The following RNF217 variants were observed in gnomAD, a reference collection of about 807,000 sequenced individuals.
The protein encoded by RNF217 is E3 ubiquitin-protein ligase RNF217.
In RNF217, 31 loss-of-function variants were observed where a neutral mutation model predicts 57.8. The observed-to-expected ratio is 0.54, with a 90% CI of 0.40 to 0.72. RNF217 has a LOEUF of 0.72. Ranked by LOEUF, RNF217 falls within the 30% of genes least tolerant of loss-of-function variation. The pLI, the probability that RNF217 is intolerant of heterozygous loss-of-function variation, is 0.00. For missense variants in RNF217, 696 were observed against 708.3 expected (o/e 0.98, Z 0.20); for synonymous variants, 313 against 294.0 (o/e 1.06, Z -0.66).
At chr6:124,968,697 C>G (rs1429425995) in intron 1 of RNF217, among the ~76,000 whole-genome samples, 1 of 152,166 alleles carries the variant, frequency 6.6e-6, no homozygotes, top group Non-Finnish European at 1.5e-5. Context: ...CCTAAGGCAT[C>G]AGCTGATACC....
At position 125,083,401 on chromosome 6, in the gene RNF217, C is replaced by G. The variant is rs1788674345; in HGVS notation, c.*464C>G. 1 of 152,406 alleles carries G rather than the reference C, an allele frequency of 6.6e-6. No individual in the cohort carries two copies. The highest frequency in any genetic ancestry group is 2.4e-5 in the African/African-American group (1 of 41,410). 9.4% of individuals were successfully genotyped at this position (152,406 alleles called of 1,614,324 possible). ...AGAAGATAAGAGTTCACTGAATGCA[C>G]CTATTATAATCTGTGGCCCCAGCAG... is the stretch of plus-strand genomic sequence containing the variant. On this transcript the variant is annotated 3_prime_UTR_variant, in exon 6 of 6. Coordinates refer to ENST00000521654, the MANE Select transcript of RNF217 (RefSeq NM_001286398.3).
chr6:125,058,532 T>A (rs900424782), intron 3 of RNF217, among the ~76,000 whole-genome samples: 1 of 152,188 alleles, frequency 6.6e-6, no homozygotes, highest in Non-Finnish European at 1.5e-5. Context: ...GCTGATCACT[T>A]AAAAATTACA....
In RNF217 at chr6:125,090,774, G is replaced by C. The variant is rs1218186417; in HGVS notation, c.*7837G>C. 2 of 151,766 alleles carry C rather than the reference G, an allele frequency of 1.3e-5. No homozygotes were observed. The highest frequency in any genetic ancestry group is 2.9e-5 in the Non-Finnish European group (2 of 67,844). 9.4% of individuals were successfully genotyped at this position (151,766 alleles called of 1,614,324 possible). A position where few individuals can be genotyped will look rare whatever the true frequency, so the allele number is the denominator to read the frequency against. ...TATTTTTCAAGTTTAAAATGGACCG[G>C]GTTGAAAAGAGATTTCATTGATTCT... On this transcript the variant is annotated 3_prime_UTR_variant, in exon 6 of 6. Coordinates refer to ENST00000521654, the MANE Select transcript of RNF217 (RefSeq NM_001286398.3).
At chr6:125,020,161 A>AC (rs1249194602) in intron 1 of RNF217, among the ~76,000 whole-genome samples, 1 of 152,116 alleles carries the variant, frequency 6.6e-6, no homozygotes, top group African/African-American at 2.4e-5. Flanking sequence ...ATTCGCAGAC[A>AC]CCCGCTGGCT....
At chr6:125,047,478 G>A (rs1787141892) in intron 2 of RNF217, among the ~76,000 whole-genome samples, 1 of 152,008 alleles carries the variant, frequency 6.6e-6, no homozygotes, top group African/African-American at 2.4e-5. Flanking sequence ...GCGAGCCCAT[G>A]GTATTCTGAT....
intron 3 of RNF217, among the ~76,000 whole-genome samples, chr6:125,075,217 C>A (rs1229674423): frequency 6.6e-6 from 1 of 151,766 alleles, no homozygotes; most frequent in Admixed American, 6.6e-5. Context: ...CAAGACAATT[C>A]TTCTTCTTCT....
At position 125,083,792 on chromosome 6, in the gene RNF217, C is replaced by T. The variant is rs912486991; in HGVS notation, c.*855C>T. 3 of 152,100 alleles carry T rather than the reference C, an allele frequency of 2.0e-5. No homozygotes were observed. Among genetic ancestry groups the T allele is most frequent in the African/African-American group, 4.8e-5 (2 of 41,436 alleles). The allele number at this position is 152,100 out of a possible 1,614,324, so 9.4% of individuals were successfully genotyped here. On this transcript the variant is annotated 3_prime_UTR_variant, in exon 6 of 6. Transcript: ENST00000521654. The stretch of plus-strand genomic sequence containing the variant: ...CACACAAACACAGAAATTTGTGCAA[C>T]GTCACCCCAAGGAGTATTAAGCTTT...
chr6:125,074,154 CT>C (rs1245785464), intron 3 of RNF217, among the ~76,000 whole-genome samples: 2 of 152,136 alleles, frequency 1.3e-5, no homozygotes, highest in Non-Finnish European at 2.9e-5. Flanking sequence ...AATTGACAAA[CT>C]TTTCTTTCTT....
At position 125,014,898 on chromosome 6, in the gene RNF217, G is replaced by A. The variant is rs144434667; in HGVS notation, c.883-30313G>A. Among the ~76,000 whole-genome samples the A allele has an allele frequency of 5.9e-5, 9 of 152,192 alleles. No homozygotes were observed. In the South Asian group the frequency reaches 1.0e-3, roughly 18 times the overall value. ...GACTGAACTTTTGAGCAAACCCAAA[G>A]CCCCTTCCTAATAAACCATGTTGAC... On this transcript the variant is annotated intron_variant, in intron 1 of 5. Coordinates refer to ENST00000521654, the MANE Select transcript of RNF217 (RefSeq NM_001286398.3).
At chr6:125,039,979 GC>G (rs1224045176) in intron 1 of RNF217, among the ~76,000 whole-genome samples, 1 of 152,138 alleles carries the variant, frequency 6.6e-6, no homozygotes, top group Non-Finnish European at 1.5e-5. Flanking sequence ...AGCACTAAAT[GC>G]CCACATCAGA....
intron 1 of RNF217, among the ~76,000 whole-genome samples, chr6:125,027,004 A>G (rs1425671513): frequency 1.3e-5 from 2 of 151,804 alleles, no homozygotes; most frequent in Non-Finnish European, 2.9e-5. Context: ...TAAATTTTTT[A>G]AACTATTTTT....
chr6:125,016,283 T>C (rs943569114), intron 1 of RNF217, among the ~76,000 whole-genome samples: 5 of 152,194 alleles, frequency 3.3e-5, no homozygotes, highest in East Asian at 1.9e-4. Flanking sequence ...AGACAAAATT[T>C]AGAGCACTCG....
At chr6:125,011,011 G>C (rs950303739) in intron 1 of RNF217, among the ~76,000 whole-genome samples, 3 of 152,156 alleles carry the variant, frequency 2.0e-5, no homozygotes, top group Admixed American at 2.0e-4. Context: ...AGACACATTA[G>C]CACTGACTCT....
At chr6:124,974,699 A>T (rs184557033) in intron 1 of RNF217, among the ~76,000 whole-genome samples, 4 of 152,242 alleles carry the variant, frequency 2.6e-5, no homozygotes, top group Non-Finnish European at 5.9e-5. Context: ...TTATTTTTGT[A>T]GTCTAGATAT....
chr6:125,054,990 T>A (rs1787469714), intron 2 of RNF217, among the ~76,000 whole-genome samples: 1 of 152,146 alleles, frequency 6.6e-6, no homozygotes, highest in Non-Finnish European at 1.5e-5. Flanking sequence ...TGTGGAAGAA[T>A]AACTGTAAAT....
chr6:125,056,367 G>A (rs988157353), intron 2 of RNF217, among the ~76,000 whole-genome samples: 2 of 152,084 alleles, frequency 1.3e-5, no homozygotes, highest in Non-Finnish European at 2.9e-5. Flanking sequence ...AATAATGCAT[G>A]TAATATATTC....
chr6:124,998,369 C>T (rs887094801), intron 1 of RNF217, among the ~76,000 whole-genome samples: 7 of 152,138 alleles, frequency 4.6e-5, no homozygotes, highest in Non-Finnish European at 1.0e-4. Flanking sequence ...GAAGTGAAGA[C>T]GAATTCAACT....
chr6:124,982,560 A>C (rs1784219397), intron 1 of RNF217, among the ~76,000 whole-genome samples: 1 of 152,002 alleles, frequency 6.6e-6, no homozygotes, highest in Non-Finnish European at 1.5e-5. Flanking sequence ...TCCTGCATTG[A>C]ATTTTGTTTC....
At chr6:125,067,578 A>G (rs1435589318) in intron 3 of RNF217, among the ~76,000 whole-genome samples, 2 of 152,192 alleles carry the variant, frequency 1.3e-5, no homozygotes, top group African/African-American at 4.8e-5. Context: ...ATGGATGGTG[A>G]TACCATAAAC....
Sources: gnomAD v4.1 joint callset for allele counts (sites outside exome capture counted in the v4.1 genomes callset) on GRCh38, gnomAD v4.1.1 for gene constraint, MANE v1.5 for transcripts, NCBI Gene and HGNC (gene_info 2026-07-23, HGNC 2026-07-21) for gene names.